The following ODR4 variants were observed in gnomAD, a reference collection of about 807,000 sequenced individuals.
ODR4 encodes protein odr-4 homolog.
In ODR4, 47 loss-of-function variants were observed where a neutral mutation model predicts 60.2. That is an observed-to-expected ratio of 0.78 (90% CI 0.62 to 1.00). The LOEUF is 1.00. ODR4 is among the 50% of genes least tolerant of loss of function. ODR4 has a pLI of 0.00. For synonymous variants in ODR4, 178 were observed against 175.5 expected (o/e 1.01, Z -0.11); for missense variants, 488 against 530.8 (o/e 0.92, Z 0.79).
chr1:186,404,565 C>G lies in ODR4; in HGVS notation c.1001-1518C>G, dbSNP rs889661808. Among the ~76,000 whole-genome samples the G allele has an allele frequency of 3.3e-5, 5 of 152,108 alleles. No homozygotes were observed. The East Asian group carries it at 9.6e-4, about 29-fold the overall frequency. On this transcript the variant is annotated intron_variant, in intron 11 of 13. Coordinates refer to ENST00000287859, the MANE Select transcript of ODR4 (RefSeq NM_017847.6). ...GTGGCTCAAAATAAAATAATATAGT[C>G]CTAATTTCAATGTGTGGACAATTTT...
intron 12 of ODR4, among the ~76,000 whole-genome samples, chr1:186,407,119 A>G (rs1661201185): frequency 6.6e-6 from 1 of 152,104 alleles, no homozygotes; most frequent in Non-Finnish European, 1.5e-5. Flanking sequence ...GCAATACCAG[A>G]TCGTGATGTA....
the ODR4 span, among the ~76,000 whole-genome samples, chr1:186,428,132 G>T: frequency 6.6e-6 from 1 of 152,144 alleles, no homozygotes; most frequent in Non-Finnish European, 1.5e-5. Flanking sequence ...TTGAAGCTTT[G>T]AAGTCAGGCA....
At chr1:186,400,282 G>T (rs998366701) in intron 11 of ODR4, among the ~76,000 whole-genome samples, 15 of 150,538 alleles carry the variant, frequency 1.0e-4, no homozygotes, top group Non-Finnish European at 1.9e-4. Flanking sequence ...GAGCCACCGC[G>T]CCCGGCCTCC....
chr1:186,415,605 C>T (rs1357931505), intron 12 of ODR4, among the ~76,000 whole-genome samples: 2 of 152,142 alleles, frequency 1.3e-5, no homozygotes, highest in Non-Finnish European at 2.9e-5. Context: ...AGTCCTCCCT[C>T]CCAGCTTCAG....
chr1:186,417,152 G>A (rs1405484805), intron 12 of ODR4, among the ~76,000 whole-genome samples: 3 of 151,602 alleles, frequency 2.0e-5, no homozygotes, highest in Non-Finnish European at 2.9e-5. Flanking sequence ...TAGTAGAGAC[G>A]GGGTTTCACT....
At chr1:186,425,387 A>C (rs146888391), downstream of ODR4, among the ~76,000 whole-genome samples, 1 of 152,194 alleles carries the variant, frequency 6.6e-6, no homozygotes, top group Non-Finnish European at 1.5e-5. Flanking sequence ...CTGAACTCCA[A>C]TTGGGCACGT....
At position 186,391,755 on chromosome 1, in the gene ODR4, A is replaced by C. The variant is rs1205314862; in HGVS notation, c.675A>C (p.Gln225His). The change falls in exon 8 of 14, where the codon CAA (glutamine) becomes CAC (histidine). Residue 225 changes from glutamine (Q) to histidine (H), a missense_variant. Coordinates refer to ENST00000287859, the MANE Select transcript of ODR4 (RefSeq NM_017847.6). ...ATGGTGTTTATTTGATTAATGGACA[A>C]GTTAAAGATGAAGATTGTGACCTAT... ...IENGVYLING[Q>H]VKDEDCDLLE... 1.2e-6 allele frequency: 2 copies of C among 1,604,484 alleles called. No individual in the cohort carries two copies. The highest frequency in any genetic ancestry group is 1.1e-5 in the South Asian group (1 of 88,926).
chr1:186,417,516 G>A, intron 12 of ODR4, 28 bp from the exon 13 acceptor site: 1 of 1,247,482 alleles, frequency 8.0e-7, no homozygotes, highest in Non-Finnish European at 1.1e-6. Context: ...TATTTTATGT[G>A]GAATTTATTA....
intron 11 of ODR4, 78 bp from the exon 12 acceptor site, chr1:186,406,005 T>C: frequency 2.0e-6 from 2 of 995,810 alleles, no homozygotes; most frequent in Non-Finnish European, 2.8e-6. Context: ...TTAGTTTTTG[T>C]ATGTACTTCT....
chr1:186,416,633 T>C lies in ODR4; in HGVS notation c.1187-911T>C, dbSNP rs367887965. ...GTTGCAGTGAGCTGAGACCACGCCATTGCACTCCAGCCTAGGCAACAGAGC... is the reference window on the plus strand; with the variant it reads ...GTTGCAGTGAGCTGAGACCACGCCACTGCACTCCAGCCTAGGCAACAGAGC... On this transcript the variant is annotated intron_variant, in intron 12 of 13. Transcript: ENST00000287859. Among the ~76,000 whole-genome samples, 16 of 151,690 alleles carry C rather than the reference T, an allele frequency of 1.1e-4. No homozygotes were observed. In the East Asian group the frequency reaches 2.3e-3, roughly 22 times the overall value.
chr1:186,396,068 A>G (rs1660658786), intron 9 of ODR4, among the ~76,000 whole-genome samples: 1 of 152,136 alleles, frequency 6.6e-6, no homozygotes, highest in Non-Finnish European at 1.5e-5. Context: ...AACTGTCAAA[A>G]TCCTATCTGT....
Position 186,383,285 on chromosome 1 carries a change from G to A in ODR4, c.234+129G>A, listed in dbSNP as rs1660112172. On this transcript the variant is annotated intron_variant, in intron 3 of 13. Transcript: ENST00000287859. ...TAGCTAAAGATGACTGAGATTTTTA[G>A]TCTGGGTGTCTAGGAGGATACTGTT... The A allele has an allele frequency of 7.8e-6, 8 of 1,021,958 alleles. No individual in the cohort carries two copies. In the South Asian group the frequency reaches 1.4e-4, roughly 18 times the overall value. The allele number at this position is 1,021,958 out of a possible 1,614,324, so 63.3% of individuals were successfully genotyped here.
downstream of ODR4, among the ~76,000 whole-genome samples, chr1:186,423,443 C>CT (rs34515188): frequency 0.34 from 15,384 of 44,680 alleles, 6,303 homozygotes; most frequent in Non-Finnish European, 0.45. Context: ...ACTACTTGTG[C>CT]TTTTTTTTTT....
In ODR4 at chr1:186,390,717, G is replaced by T. The variant is rs1660436584; in HGVS notation, c.481G>T (p.Ala161Ser). The change falls in exon 7 of 14, where the codon GCA becomes TCA. Residue 161 changes from alanine to serine, a missense_variant. Ala to Ser is a moderately conservative substitution (Grantham distance 99). Transcript: ENST00000287859. Reference sequence around the variant, plus strand: ...CTCCCTTCTCCACTGCTAGAGTTCAGCAAGACCAGCAGATTGGAAGTATCA... The same window carrying T: ...CTCCCTTCTCCACTGCTAGAGTTCATCAAGACCAGCAGATTGGAAGTATCA... ...TYDIHDPKSS[A>S]RPADWKYQSG... The T allele has an allele frequency of 1.2e-6, 2 of 1,613,208 alleles. No homozygotes were observed. Among genetic ancestry groups the T allele is most frequent in the South Asian group, 2.2e-5 (2 of 91,052 alleles).
chr1:186,398,733 TATTC>T (rs1300438949), intron 10 of ODR4, among the ~76,000 whole-genome samples: 9 of 152,202 alleles, frequency 5.9e-5, no homozygotes, highest in African/African-American at 1.7e-4. Flanking sequence ...TGTGAAATTT[TATTC>T]ATTTATCTGT....
At chr1:186,427,746 A>G in the ODR4 span, among the ~76,000 whole-genome samples, 1 of 152,234 alleles carries the variant, frequency 6.6e-6, no homozygotes, top group Non-Finnish European at 1.5e-5. Flanking sequence ...CACCTTACAA[A>G]ATGTATTTCT....
At position 186,383,037 on chromosome 1, in the gene ODR4, G is replaced by C. The variant is rs776614894; in HGVS notation, c.115G>C (p.Asp39His). ...LLIGQCSSQK[D>H]YVILATRTPP... Reference sequence around the variant, plus strand: ...GTTGTTGAAGTGTTCGTCACAAAAGGATTATGTGATTCTTGCCACTAGAAC... The same window carrying C: ...GTTGTTGAAGTGTTCGTCACAAAAGCATTATGTGATTCTTGCCACTAGAAC... Residue 39 changes from aspartate to histidine, a missense_variant, in exon 3 of 14, where the codon GAT becomes CAT. Coordinates refer to ENST00000287859, the MANE Select transcript of ODR4 (RefSeq NM_017847.6). 1.6e-5 allele frequency: 26 copies of C among 1,584,238 alleles called. No individual in the cohort carries two copies. Among genetic ancestry groups the C allele is most frequent in the Non-Finnish European group, 2.2e-5 (26 of 1,164,286 alleles).
intron 9 of ODR4, among the ~76,000 whole-genome samples, chr1:186,397,270 A>G (rs1165977176): frequency 4.6e-5 from 7 of 152,190 alleles, no homozygotes; most frequent in Non-Finnish European, 4.4e-5. Context: ...TTGCATAAGC[A>G]CATAGGCACA....
downstream of ODR4, among the ~76,000 whole-genome samples, chr1:186,422,648 A>G (rs1661813371): frequency 1.3e-5 from 2 of 152,184 alleles, no homozygotes; most frequent in South Asian, 2.1e-4. Flanking sequence ...ACATGTTTAG[A>G]TCTTCACAGA....
Sources: allele counts gnomAD v4.1 joint callset (sites outside exome capture counted in the v4.1 genomes callset), GRCh38; gene constraint gnomAD v4.1.1; transcripts MANE v1.5; gene names NCBI Gene and HGNC (gene_info 2026-07-23, HGNC 2026-07-21).